The following TAFA2 variants were observed in gnomAD, a reference collection of about 807,000 sequenced individuals.
The protein encoded by TAFA2 is chemokine-like protein TAFA-2.
A neutral mutation model predicts 18.8 loss-of-function variants in TAFA2; 7 were observed. The observed-to-expected ratio is 0.37, with a 90% CI of 0.21 to 0.70. The LOEUF (loss-of-function observed/expected upper bound fraction) is 0.70. TAFA2 is among the 30% of genes least tolerant of loss of function. The probability of loss-of-function intolerance (pLI) is 0.53; values close to 1 mark genes in which losing one functional copy is unlikely to be tolerated. For missense variants in TAFA2, 122 were observed against 158.1 expected, an observed-to-expected ratio of 0.77 and a Z score of 1.23; for synonymous variants, 60 against 54.2, an observed-to-expected ratio of 1.11 and a Z score of -0.47.
At chr12:62,018,046 G>C (rs1434938320) in intron 1 of TAFA2, among the ~76,000 whole-genome samples, 1 of 152,130 alleles carries the variant, frequency 6.6e-6, no homozygotes, top group Non-Finnish European at 1.5e-5. Flanking sequence ...AAATCTTATA[G>C]TTTGGGAGAA....
chr12:61,858,155 G>A (rs949893132), intron 2 of TAFA2, among the ~76,000 whole-genome samples: 2 of 152,198 alleles, frequency 1.3e-5, no homozygotes, highest in African/African-American at 4.8e-5. Context: ...ACAATCACGA[G>A]CCCTGTGAAA....
At chr12:62,182,611 T>C (rs1020154203) in intron 1 of TAFA2, among the ~76,000 whole-genome samples, 2 of 152,162 alleles carry the variant, frequency 1.3e-5, no homozygotes, top group African/African-American at 4.8e-5. Context: ...ACATAGAAGT[T>C]TAAAAGGCAC....
At chr12:61,779,375 G>A (rs894650705) in intron 2 of TAFA2, among the ~76,000 whole-genome samples, 2 of 151,766 alleles carry the variant, frequency 1.3e-5, no homozygotes, top group Admixed American at 6.6e-5. Flanking sequence ...GAGTGGCAAA[G>A]CTAAAGTGAC....
intron 1 of TAFA2, among the ~76,000 whole-genome samples, chr12:61,927,094 ATACAGGCACAAGAC>A (rs1877334867): frequency 7.6e-6 from 1 of 131,608 alleles, no homozygotes; most frequent in Non-Finnish European, 1.6e-5. Context: ...AAAAAAAAAA[ATACAGGCACAAGAC>A]AAGGATGCCC....
At chr12:61,786,461 C>CA in intron 2 of TAFA2, among the ~76,000 whole-genome samples, 1 of 151,282 alleles carries the variant, frequency 6.6e-6, no homozygotes, top group African/African-American at 2.4e-5. Flanking sequence ...CACAGAGGTA[C>CA]AAAAAAAGTC....
intron 1 of TAFA2, among the ~76,000 whole-genome samples, chr12:61,953,734 C>A (rs1592510412): frequency 1.3e-5 from 2 of 152,264 alleles, no homozygotes; most frequent in Non-Finnish European, 2.9e-5. Flanking sequence ...TGAAGCTCCT[C>A]ATCCACCAAA....
chr12:61,815,055 C>T (rs1872021976), intron 2 of TAFA2, among the ~76,000 whole-genome samples: 1 of 151,380 alleles, frequency 6.6e-6, no homozygotes, highest in East Asian at 1.9e-4. Context: ...TTTGTTACAG[C>T]AGCAATAGAA....
At chr12:61,798,590 C>A (rs1871283179) in intron 2 of TAFA2, among the ~76,000 whole-genome samples, 2 of 152,216 alleles carry the variant, frequency 1.3e-5, no homozygotes, top group Admixed American at 1.3e-4. Context: ...AACCCCCATT[C>A]TACTTTCTGT....
intron 2 of TAFA2, among the ~76,000 whole-genome samples, chr12:61,805,247 C>T (rs1871562668): frequency 6.6e-6 from 1 of 151,520 alleles, no homozygotes; most frequent in Non-Finnish European, 1.5e-5. Context: ...ATATTTACTC[C>T]CTAAATTGTT....
At chr12:61,736,003 G>T (rs964958206) in intron 4 of TAFA2, among the ~76,000 whole-genome samples, 1 of 151,980 alleles carries the variant, frequency 6.6e-6, no homozygotes, top group Non-Finnish European at 1.5e-5. Flanking sequence ...CCCTGTGAGG[G>T]CTGTTCTACT....
intron 1 of TAFA2, among the ~76,000 whole-genome samples, chr12:62,152,136 A>C (rs1246676405): frequency 6.6e-6 from 1 of 152,224 alleles, no homozygotes. Context: ...CTAGAGGAGA[A>C]AAAAAGATGA....
At chr12:61,882,000 T>A (rs1338775279) in intron 1 of TAFA2, among the ~76,000 whole-genome samples, 1 of 152,062 alleles carries the variant, frequency 6.6e-6, no homozygotes, top group Non-Finnish European at 1.5e-5. Context: ...TTTACCCACA[T>A]TGAAAATTTT....
chr12:62,054,137 G>A lies in TAFA2; in HGVS notation c.-2+137122C>T, dbSNP rs542652122. The stretch of plus-strand genomic sequence containing the variant: ...CTAACAGTGGATGCTGTTGCAGGCA[G>A]GATACTAAAGCAATGTTTTGTGTCA... On this transcript the variant is annotated intron_variant, in intron 1 of 4. Transcript: ENST00000416284. 3.3e-5 allele frequency among the ~76,000 whole-genome samples: 5 copies of A among 152,246 alleles called. 1 individual carries two copies. The highest frequency in any genetic ancestry group is 9.6e-5 in the African/African-American group (4 of 41,552).
chr12:61,748,382 G>T, intron 4 of TAFA2, among the ~76,000 whole-genome samples: 1 of 152,022 alleles, frequency 6.6e-6, no homozygotes, highest in South Asian at 2.1e-4. Context: ...GTGAGATGAA[G>T]ACAAATGAAT....
intron 1 of TAFA2, among the ~76,000 whole-genome samples, chr12:62,034,262 C>T (rs533610414): frequency 6.6e-6 from 1 of 152,202 alleles, no homozygotes; most frequent in Admixed American, 6.5e-5. Context: ...GCCCCCTTTG[C>T]CAAACCCACA....
At chr12:61,773,511 A>G (rs1870122550) in intron 2 of TAFA2, among the ~76,000 whole-genome samples, 1 of 152,102 alleles carries the variant, frequency 6.6e-6, no homozygotes, top group Non-Finnish European at 1.5e-5. Flanking sequence ...AAATAGGCAC[A>G]TAGACCAATG....
chr12:62,041,900 A>G (rs1881765578), intron 1 of TAFA2, among the ~76,000 whole-genome samples: 1 of 152,150 alleles, frequency 6.6e-6, no homozygotes, highest in Admixed American at 6.5e-5. Flanking sequence ...GTAAATTCTG[A>G]AAGAAGATTT....
At chr12:61,879,691 G>T in intron 1 of TAFA2, 1 of 1,100,628 alleles carries the variant, frequency 9.1e-7, no homozygotes, top group Non-Finnish European at 1.4e-6. Context: ...AGGCCAAGTG[G>T]AGCCTCCTGC....
At chr12:61,895,738 C>CA (rs1875813800) in intron 1 of TAFA2, among the ~76,000 whole-genome samples, 1 of 152,134 alleles carries the variant, frequency 6.6e-6, no homozygotes, top group African/African-American at 2.4e-5. Context: ...CTTCGTATCA[C>CA]AGGAGTCCAT....
Sources: gnomAD v4.1 joint callset for allele counts (sites outside exome capture counted in the v4.1 genomes callset) on GRCh38, gnomAD v4.1.1 for gene constraint, MANE v1.5 for transcripts, NCBI Gene and HGNC (gene_info 2026-07-23, HGNC 2026-07-21) for gene names.